ERCC8: variants seen among roughly 807,000 people sequenced by gnomAD.
The protein encoded by ERCC8 is ERCC excision repair 8, CSA ubiquitin ligase complex subunit, also known as DNA excision repair protein ERCC-8.
Under a neutral mutation model 54.9 loss-of-function variants are expected in ERCC8, and 52 were observed. That is an observed-to-expected ratio of 0.95 (90% CI 0.76 to 1.19). ERCC8 has a LOEUF of 1.19. Among genes scored for constraint, ERCC8 ranks in the 50% most tolerant of loss-of-function variants. ERCC8 has a pLI of 0.00. For missense variants in ERCC8, 514 were observed against 466.1 expected (o/e 1.10, Z -0.95); for synonymous variants, 146 against 157.2 (o/e 0.93, Z 0.53).
chr5:60,893,465 T>G (rs1409605476), intron 9 of ERCC8: 3 of 959,068 alleles, frequency 3.1e-6, no homozygotes, highest in Non-Finnish European at 5.1e-6. Context: ...GTGAACAAAC[T>G]GAGGAGCAGA....
At chr5:60,887,407 A>G in intron 11 of ERCC8, 33 bp downstream of exon 11, 3 of 1,477,166 alleles carry the variant, frequency 2.0e-6, no homozygotes, top group Non-Finnish European at 2.8e-6. Context: ...AAGCTTTAGA[A>G]GTCACTGTAC....
intron 1 of ERCC8, among the ~76,000 whole-genome samples, chr5:60,940,535 T>C (rs1750227170): frequency 6.6e-6 from 1 of 152,114 alleles, no homozygotes; most frequent in South Asian, 2.1e-4. Context: ...ATCCAGGAGA[T>C]CACAGAGAAG....
chr5:60,904,109 C>A (rs923617782), intron 5 of ERCC8, among the ~76,000 whole-genome samples: 6 of 151,972 alleles, frequency 3.9e-5, no homozygotes, highest in African/African-American at 1.2e-4. Context: ...CAGTTCTATT[C>A]CATTTTATCA....
At chr5:60,912,652 G>A (rs1046447946) in intron 4 of ERCC8, among the ~76,000 whole-genome samples, 3 of 152,076 alleles carry the variant, frequency 2.0e-5, no homozygotes, top group Admixed American at 6.5e-5. Context: ...GTGAGAGAGG[G>A]CATCCCTGTC....
intron 10 of ERCC8, 31 bp from the exon 11 acceptor site, chr5:60,887,551 G>T: frequency 1.4e-6 from 2 of 1,479,882 alleles, no homozygotes; most frequent in South Asian, 1.1e-5. Flanking sequence ...ATGATACTGT[G>T]GATCAAGAGC....
intron 3 of ERCC8, 102 bp downstream of exon 3, chr5:60,921,952 G>A (rs1749611592): frequency 6.8e-6 from 5 of 734,876 alleles, no homozygotes; most frequent in East Asian, 5.4e-5. Flanking sequence ...TGAACCATTC[G>A]CTTGACCCAT....
At chr5:60,932,235 C>G (rs1000733698) in intron 1 of ERCC8, 2 of 152,082 alleles carry the variant, frequency 1.3e-5, no homozygotes, top group African/African-American at 4.8e-5. Flanking sequence ...ACAAGGTGTA[C>G]AAAACATAGG....
intron 11 of ERCC8, among the ~76,000 whole-genome samples, chr5:60,885,268 C>T (rs914279038): frequency 6.6e-6 from 1 of 152,088 alleles, no homozygotes; most frequent in Non-Finnish European, 1.5e-5. Flanking sequence ...CCCACCTCAG[C>T]CTCTCAAAGT....
chr5:60,899,536 T>C lies in ERCC8; in HGVS notation c.718+91A>G, dbSNP rs1376549762. 5.5e-6 allele frequency: 5 copies of C among 901,484 alleles called. No individual in the cohort carries two copies. In the Admixed American group the frequency reaches 8.7e-5, roughly 16 times the overall value. The allele number at this position is 901,484 out of a possible 1,614,324, so 55.8% of individuals were successfully genotyped here. A position where few individuals can be genotyped will look rare whatever the true frequency, so the allele number is the denominator to read the frequency against. Reference sequence around the variant, plus strand: ...GAAAAATCATAAAGTTTGCAATTTGTCAATATGCGTTTATTATGTGGCTTC... The same window carrying C: ...GAAAAATCATAAAGTTTGCAATTTGCCAATATGCGTTTATTATGTGGCTTC... On this transcript the variant is annotated intron_variant, in intron 8 of 11. Transcript: ENST00000676185.
In ERCC8 at chr5:60,874,432, ATAAAC is replaced by A; in HGVS notation, c.*178_*182del. 1 of 599,640 alleles carries A rather than the reference ATAAAC, an allele frequency of 1.7e-6. No individual in the cohort carries two copies. Among genetic ancestry groups the A allele is most frequent in the Non-Finnish European group, 2.9e-6 (1 of 340,556 alleles). The allele number at this position is 599,640 out of a possible 1,614,324, so 37.1% of individuals were successfully genotyped here. A position where few individuals can be genotyped will look rare whatever the true frequency, so the allele number is the denominator to read the frequency against. ...GGATCAAGGAACACATTTTGACTAA[ATAAAC>A]TATACAGAAGTCTGTTTTAGGATTT... is the stretch of plus-strand genomic sequence containing the variant. On this transcript the variant is annotated 3_prime_UTR_variant, in exon 12 of 12. Coordinates refer to ENST00000676185, the MANE Select transcript of ERCC8 (RefSeq NM_000082.4).
At position 60,874,672 on chromosome 5, in the gene ERCC8, T is replaced by G. The variant is rs777552450; in HGVS notation, c.1134A>C (p.Lys378Asn). The G allele has an allele frequency of 1.2e-6, 2 of 1,609,648 alleles. No homozygotes were observed. The highest frequency in any genetic ancestry group is 8.5e-7 in the Non-Finnish European group (1 of 1,178,902). ...PVPDDDETTT[K>N]SQLNPAFEDA... ...CTTCAAAGGCCGGATTTAATTGTGA[T>G]TTTGTTGTAGTCTAAAAAAAAAAAA... The change falls in exon 12 of 12, where the codon AAA becomes AAC. Residue 378 changes from lysine to asparagine, a missense_variant. Lys to Asn is a moderately conservative substitution (Grantham distance 94, BLOSUM62 0). Coordinates refer to ENST00000676185, the MANE Select transcript of ERCC8 (RefSeq NM_000082.4).
rs1748353467 is a variant in ERCC8 at position 60,885,004 on chromosome 5, C to G, written c.1122+2436G>C. On this transcript the variant is annotated intron_variant, in intron 11 of 11. Transcript: ENST00000676185. ...CATAACAAGGAAATAAACCATCAGT[C>G]ACATATTATCTTTTTTTTTTTCCTT... Among the ~76,000 whole-genome samples, 3 of 149,498 alleles carry G rather than the reference C, an allele frequency of 2.0e-5. No individual in the cohort carries two copies. In the South Asian group the frequency reaches 6.3e-4, roughly 31 times the overall value.
In ERCC8 at chr5:60,871,279, T is replaced by C. The variant is rs969755481; in HGVS notation, c.*3336A>G. 6.6e-6 allele frequency among the ~76,000 whole-genome samples: 1 copy of C among 152,230 alleles called. No individual in the cohort carries two copies. Among genetic ancestry groups the C allele is most frequent in the Non-Finnish European group, 1.5e-5 (1 of 68,046 alleles). ...ATTCACAAAATGCAGTATGATGCAG[T>C]TAACAAAAAGAATAACTTTGTTATA... On this transcript the variant is annotated 3_prime_UTR_variant, in exon 12 of 12. Transcript: ENST00000676185.
intron 3 of ERCC8, chr5:60,919,690 A>G (rs1183629939): frequency 6.6e-6 from 1 of 152,016 alleles, no homozygotes; most frequent in Non-Finnish European, 1.5e-5. Context: ...CAAATTGTAT[A>G]ATACTGATAT....
rs559675941 is a variant in ERCC8, at chr5:60,898,349, C to G, written c.770G>C (p.Gly257Ala). Residue 257 changes from glycine (G) to alanine (A), a missense_variant, in exon 9 of 12, where the codon GGA becomes GCA. Transcript: ENST00000676185. ...TGTACCAACAGTGAGGAGGTGAAGT[C>G]CATCACTTGTAAAACATAAGCCATT... The part of the protein sequence containing the change: ...KVNGLCFTSD[G>A]LHLLTVGTDN... The G allele has an allele frequency of 6.2e-7, 1 of 1,613,222 alleles. No homozygotes were observed. The highest frequency in any genetic ancestry group is 8.5e-7 in the Non-Finnish European group (1 of 1,179,342).
At chr5:60,926,757 G>C (rs898697234) in intron 2 of ERCC8, among the ~76,000 whole-genome samples, 2 of 152,112 alleles carry the variant, frequency 1.3e-5, no homozygotes, top group Non-Finnish European at 2.9e-5. Context: ...CTTTTGCTTC[G>C]TAATTAATCT....
chr5:60,910,408 C>G (rs1037088409), intron 4 of ERCC8, among the ~76,000 whole-genome samples: 1 of 151,742 alleles, frequency 6.6e-6, no homozygotes, highest in Non-Finnish European at 1.5e-5. Context: ...AGTCAATTTT[C>G]AAAAAAAGAA....
At chr5:60,890,716 C>T (rs574918751) in intron 10 of ERCC8, among the ~76,000 whole-genome samples, 173 bp downstream of exon 10, 1 of 152,288 alleles carries the variant, frequency 6.6e-6, no homozygotes, top group African/African-American at 2.4e-5. Context: ...TTCATTCATA[C>T]ATTGTATGCT....
intron 2 of ERCC8, among the ~76,000 whole-genome samples, chr5:60,928,467 T>C (rs1749815415): frequency 6.6e-6 from 1 of 152,230 alleles, no homozygotes. Flanking sequence ...AATATAATTC[T>C]TATTTGTTTC....
Sources: gnomAD v4.1 joint callset for allele counts (sites outside exome capture counted in the v4.1 genomes callset) on GRCh38, gnomAD v4.1.1 for gene constraint, MANE v1.5 for transcripts, NCBI Gene and HGNC (gene_info 2026-07-23, HGNC 2026-07-21) for gene names.